The following FDFT1 variants were observed in gnomAD, a reference collection of about 807,000 sequenced individuals.
FDFT1 encodes the protein squalene synthase.
A neutral mutation model predicts 46.8 loss-of-function variants in FDFT1; 68 were observed. That is an observed-to-expected ratio of 1.45 (90% confidence interval 1.19 to 1.78). FDFT1 has a LOEUF of 1.78. Ranked by LOEUF, FDFT1 falls within the 40% of genes most tolerant of loss-of-function variation. FDFT1 has a pLI of 0.00. For synonymous variants in FDFT1, 351 were observed against 185.1 expected, an observed-to-expected ratio of 1.90 and a Z score of -7.28; for missense variants, 928 against 524.4, an observed-to-expected ratio of 1.77 and a Z score of -7.52.
chr8:11,830,868 A>C (rs1222830092), intron 6 of FDFT1, among the ~76,000 whole-genome samples: 1 of 152,200 alleles, frequency 6.6e-6, no homozygotes, highest in African/African-American at 2.4e-5. Context: ...AGGAACTTAC[A>C]CTTTTTAGTT....
chr8:11,797,638 CAAAAAAAA>C (rs34350077), upstream of FDFT1, among the ~76,000 whole-genome samples: 2 of 75,524 alleles, frequency 2.6e-5, no homozygotes, highest in Non-Finnish European at 4.6e-5. Context: ...CACACACACT[CAAAAAAAA>C]AAAAAAAAAA....
chr8:11,801,418 C>T (rs959237208), upstream of FDFT1, among the ~76,000 whole-genome samples: 19 of 152,224 alleles, frequency 1.2e-4, no homozygotes, highest in Non-Finnish European at 2.8e-4. Context: ...CTCCTGTGTT[C>T]AAGCGATTCT....
upstream of FDFT1, among the ~76,000 whole-genome samples, chr8:11,798,735 T>C (rs1467393363): frequency 1.3e-5 from 2 of 152,332 alleles, no homozygotes; most frequent in East Asian, 1.9e-4. Flanking sequence ...TAAATACTCA[T>C]TGAGCACCCA....
intron 1 of FDFT1, among the ~76,000 whole-genome samples, chr8:11,796,737 C>G (rs1348918695): frequency 6.6e-6 from 1 of 152,200 alleles, no homozygotes; most frequent in Non-Finnish European, 1.5e-5. Flanking sequence ...CCATTTGGGG[C>G]TGATTGCTGC....
Position 11,802,871 on chromosome 8 carries a change from C to A in FDFT1, c.39C>A (p.Phe13Leu). 6.2e-7 allele frequency: 1 copy of A among 1,612,398 alleles called. No homozygotes were observed. The highest frequency in any genetic ancestry group is 1.1e-5 in the South Asian group (1 of 90,696). ...FVKCLGHPEE[F>L]YNLVRFRIGG... ...AATGCCTTGGCCACCCCGAAGAGTTCTACAACCTGGTGCGCTTCCGGATCG... is the reference window on the plus strand; with the variant it reads ...AATGCCTTGGCCACCCCGAAGAGTTATACAACCTGGTGCGCTTCCGGATCG... The change falls in exon 1 of 8, where the codon TTC becomes TTA. Residue 13 changes from phenylalanine (F) to leucine (L), a missense_variant. Transcript: ENST00000220584.
intron 3 of FDFT1, among the ~76,000 whole-genome samples, chr8:11,812,633 A>G (rs1807885814): frequency 6.6e-6 from 1 of 152,182 alleles, no homozygotes; most frequent in Non-Finnish European, 1.5e-5. Flanking sequence ...TATTTTACTT[A>G]AGTTACTAGC....
chr8:11,807,228 C>G (rs575494494), intron 1 of FDFT1, among the ~76,000 whole-genome samples: 29 of 152,282 alleles, frequency 1.9e-4, no homozygotes, highest in African/African-American at 6.5e-4. Flanking sequence ...ACGTGTATCT[C>G]CTGGGCTCAA....
chr8:11,816,820 C>A (rs1315043434), intron 3 of FDFT1, among the ~76,000 whole-genome samples: 1 of 151,802 alleles, frequency 6.6e-6, no homozygotes, highest in South Asian at 2.1e-4. Context: ...TGCAAACAGG[C>A]AATTTTACTT....
chr8:11,805,663 G>C (rs112960600), intron 1 of FDFT1, among the ~76,000 whole-genome samples: 1 of 44,360 alleles, frequency 2.3e-5, no homozygotes, highest in African/African-American at 3.9e-5. Context: ...AATTTTTTGA[G>C]TGTTTGGCTC....
At chr8:11,801,722 C>G (rs1242012255), upstream of FDFT1, 10 of 298,762 alleles carry the variant, frequency 3.3e-5, no homozygotes, top group African/African-American at 9.6e-5. Flanking sequence ...GAGACGTAGT[C>G]TTGCTCTGTT....
At position 11,809,176 on chromosome 8, in the gene FDFT1, T is replaced by C. The variant is rs998245101; in HGVS notation, c.197+285T>C. 6 of 1,263,420 alleles carry C rather than the reference T, an allele frequency of 4.7e-6. No individual in the cohort carries two copies. The African/African-American group carries it at 9.2e-5, about 19-fold the overall frequency. The allele number at this position is 1,263,420 out of a possible 1,614,324, so 78.3% of individuals were successfully genotyped here. A position where few individuals can be genotyped will look rare whatever the true frequency, so the allele number is the denominator to read the frequency against. ...GCTGAACCTGCCTGTGAGCAGGTCG[T>C]GTATTTCTCGGCTTCCCTTATCCAA... On this transcript the variant is annotated intron_variant, in intron 2 of 7. Coordinates refer to ENST00000220584, the MANE Select transcript of FDFT1 (RefSeq NM_004462.5).
chr8:11,817,629 C>T (rs189250447), intron 3 of FDFT1, among the ~76,000 whole-genome samples: 101 of 152,308 alleles, frequency 6.6e-4, no homozygotes, highest in Admixed American at 1.4e-3. Context: ...TCCATTTCTT[C>T]TGGATTTTCT....
At chr8:11,833,856 CAT>C (rs1811195648) in intron 7 of FDFT1, among the ~76,000 whole-genome samples, 2 of 152,188 alleles carry the variant, frequency 1.3e-5, no homozygotes, top group Non-Finnish European at 2.9e-5. Context: ...AAACTCAAGG[CAT>C]TAGGGGAGAA....
At chr8:11,802,421 C>T (rs887001381), upstream of FDFT1, 11 of 458,236 alleles carry the variant, frequency 2.4e-5, no homozygotes, top group Middle Eastern at 3.2e-4. Context: ...ACCGCCTCAC[C>T]TCCAGTCCCC....
intron 1 of FDFT1, chr8:11,808,431 A>AG (rs1807184003): frequency 7.9e-7 from 1 of 1,260,288 alleles, no homozygotes; most frequent in South Asian, 3.3e-5. Context: ...ATTCGAGTAG[A>AG]GGGCGAGCCC....
At chr8:11,816,556 T>G (rs1406591993) in intron 3 of FDFT1, among the ~76,000 whole-genome samples, 1 of 152,236 alleles carries the variant, frequency 6.6e-6, no homozygotes. Context: ...AGCAGTGGTT[T>G]GTAGTTCTCT....
chr8:11,800,367 C>T (rs1326944998), upstream of FDFT1, among the ~76,000 whole-genome samples: 1 of 150,172 alleles, frequency 6.7e-6, no homozygotes, highest in Non-Finnish European at 1.5e-5. Context: ...AGCAGTTTTG[C>T]CATGGGAGTA....
At chr8:11,795,885 C>G (rs994306030) in exon 1 of FDFT1, 1 of 152,752 alleles carries the variant, frequency 6.5e-6, no homozygotes, top group African/African-American at 2.4e-5. Context: ...TCAGAAGGAA[C>G]AGACTCCGGA....
chr8:11,802,715 C>A, upstream of FDFT1: 6 of 786,686 alleles, frequency 7.6e-6, 1 homozygote, highest in Admixed American at 8.7e-5. Context: ...CCGTACTAGG[C>A]CTGCCCCCTG....
Sources: gnomAD v4.1 joint callset for allele counts (sites outside exome capture counted in the v4.1 genomes callset) on GRCh38, gnomAD v4.1.1 for gene constraint, MANE v1.5 for transcripts, NCBI Gene and HGNC (gene_info 2026-07-23, HGNC 2026-07-21) for gene names.